Variants in ATP2C1 observed in about 807,000 individuals in gnomAD.
ATP2C1 encodes ATPase secretory pathway Ca2+ transporting 1.
Under a neutral mutation model 120.5 loss-of-function variants are expected in ATP2C1, and 31 were observed. The ratio of observed to expected loss-of-function variants is 0.26; its 90% CI spans 0.19 to 0.35. ATP2C1 has a LOEUF of 0.35. ATP2C1 is among the 10% of genes least tolerant of loss of function. The probability of loss-of-function intolerance (pLI) is 1.00; values close to 1 mark genes in which losing one functional copy is unlikely to be tolerated. For synonymous variants in ATP2C1, 351 were observed against 358.7 expected (o/e 0.98, Z 0.24); for missense variants, 731 against 1,107.5 (o/e 0.66, Z 4.83).
At chr3:130,903,980 AT>A (rs1240051659) in intron 2 of ATP2C1, among the ~76,000 whole-genome samples, 1 of 152,036 alleles carries the variant, frequency 6.6e-6, no homozygotes, top group African/African-American at 2.4e-5. Context: ...AAAATGCCAA[AT>A]TCTTCCCAGA....
intron 20 of ATP2C1, among the ~76,000 whole-genome samples, chr3:130,989,151 T>A (rs1038482579): frequency 6.7e-6 from 1 of 149,776 alleles, no homozygotes; most frequent in African/African-American, 2.5e-5. Flanking sequence ...CTTGGGAGGC[T>A]GAGGCAGAGA....
intron 1 of ATP2C1, among the ~76,000 whole-genome samples, chr3:130,851,254 A>G (rs1042906905): frequency 2.0e-5 from 3 of 152,216 alleles, no homozygotes; most frequent in African/African-American, 7.2e-5. Flanking sequence ...GACACTATTA[A>G]TATCTCAACA....
chr3:130,939,880 G>T (rs2059820954), intron 6 of ATP2C1, among the ~76,000 whole-genome samples: 1 of 152,106 alleles, frequency 6.6e-6, no homozygotes, highest in African/African-American at 2.4e-5. Context: ...TCCACTATTT[G>T]CCTCTCCCTC....
At chr3:130,951,875 A>T (rs894005646) in intron 8 of ATP2C1, among the ~76,000 whole-genome samples, 4 of 152,202 alleles carry the variant, frequency 2.6e-5, no homozygotes, top group African/African-American at 9.6e-5. Flanking sequence ...AAATGCTAGC[A>T]CAATTTTGTC....
chr3:131,001,229 T>A lies in ATP2C1; in HGVS notation c.2639T>A (p.Phe880Tyr). 1 of 1,613,908 alleles carries A rather than the reference T, an allele frequency of 6.2e-7. No homozygotes were observed. The highest frequency in any genetic ancestry group is 8.5e-7 in the Non-Finnish European group (1 of 1,179,858). ...TESLSILDLL[F>Y]LLGLTSSVCI... ...TTATTTTCTCTTGCAGATCTGTTGT[T>A]TCTTTTGGGTCTCACCTCATCAGTG... Residue 880 changes from phenylalanine to tyrosine, a missense_variant, in exon 28 of 28, where the codon TTT (phenylalanine) becomes TAT (tyrosine). By Grantham distance (22) the Phe-to-Tyr change is conservative (BLOSUM62 3). Coordinates refer to ENST00000510168, the MANE Select transcript of ATP2C1 (RefSeq NM_001378687.1).
intron 1 of ATP2C1, among the ~76,000 whole-genome samples, chr3:130,857,382 G>A (rs1047275388): frequency 5.9e-5 from 9 of 152,120 alleles, no homozygotes; most frequent in African/African-American, 2.2e-4. Flanking sequence ...TTTAGGCAGA[G>A]GCCTAGGTTC....
chr3:130,897,267 A>T (rs151008015), intron 2 of ATP2C1, among the ~76,000 whole-genome samples: 14 of 152,332 alleles, frequency 9.2e-5, no homozygotes, highest in African/African-American at 3.1e-4. Flanking sequence ...GGGCTCTACC[A>T]AGAAGCCAGG....
At chr3:130,963,407 A>G (rs1277273922) in intron 12 of ATP2C1, 3 of 158,526 alleles carry the variant, frequency 1.9e-5, no homozygotes, top group Non-Finnish European at 4.2e-5. Context: ...ATGATATAAT[A>G]TGGGACCTTT....
At chr3:130,860,737 CCTT>C (rs553483321) in intron 1 of ATP2C1, among the ~76,000 whole-genome samples, 5 of 152,182 alleles carry the variant, frequency 3.3e-5, no homozygotes, top group Non-Finnish European at 7.3e-5. Flanking sequence ...TCCTTTCTCT[CCTT>C]CTTCCCTTCA....
chr3:131,008,729 G>T (rs1015628542), intron 26 of ATP2C1, among the ~76,000 whole-genome samples: 2 of 152,114 alleles, frequency 1.3e-5, no homozygotes, highest in Admixed American at 1.3e-4. Context: ...GCATTCAGTG[G>T]ATTAGAAAGG....
At chr3:130,990,403 G>A (rs1383385652) in intron 20 of ATP2C1, among the ~76,000 whole-genome samples, 1 of 151,886 alleles carries the variant, frequency 6.6e-6, no homozygotes, top group African/African-American at 2.4e-5. Flanking sequence ...TGTTATATCC[G>A]AGGAAAGAGC....
chr3:130,850,943 A>G (rs1327539095), intron 1 of ATP2C1: 8 of 1,290,298 alleles, frequency 6.2e-6, no homozygotes, highest in Non-Finnish European at 8.0e-6. Flanking sequence ...CATTTTGTTT[A>G]TATTATCTTT....
rs144371962 is a variant in ATP2C1, at chr3:130,989,769, C to T, written c.1840-3182C>T. Among the ~76,000 whole-genome samples the T allele has an allele frequency of 3.9e-5, 6 of 152,326 alleles. No individual in the cohort carries two copies. The East Asian group carries it at 7.7e-4, about 20-fold the overall frequency. Reference sequence around the variant, plus strand: ...GTACATGGACAACTCACAGTCACAACCTTTCATTCGCTAACTTATTTTGCA... The same window carrying T: ...GTACATGGACAACTCACAGTCACAATCTTTCATTCGCTAACTTATTTTGCA... On this transcript the variant is annotated intron_variant, in intron 20 of 27. Transcript: ENST00000510168.
chr3:130,851,755 A>G (rs1302813614), intron 1 of ATP2C1, among the ~76,000 whole-genome samples: 3 of 152,250 alleles, frequency 2.0e-5, no homozygotes. Flanking sequence ...ACAAATGTGA[A>G]GGACAAATGT....
chr3:130,951,550 G>C (rs1224781328), intron 8 of ATP2C1, among the ~76,000 whole-genome samples: 1 of 152,126 alleles, frequency 6.6e-6, no homozygotes, highest in African/African-American at 2.4e-5. Context: ...CTCTTACCTT[G>C]CTAATAAATG....
chr3:130,857,126 T>G (rs777374413), intron 1 of ATP2C1, among the ~76,000 whole-genome samples: 4 of 152,246 alleles, frequency 2.6e-5, no homozygotes, highest in Non-Finnish European at 5.9e-5. Flanking sequence ...AAAGTGGAAC[T>G]ATTTTATTAT....
chr3:130,961,614 C>G (rs553871828), intron 12 of ATP2C1, among the ~76,000 whole-genome samples: 2 of 151,978 alleles, frequency 1.3e-5, no homozygotes, highest in Non-Finnish European at 2.9e-5. Context: ...TCACTATTCT[C>G]TTATTCTTTA....
chr3:130,866,272 C>T lies in ATP2C1; in HGVS notation c.108+15344C>T, dbSNP rs1009020385. 5.3e-5 allele frequency among the ~76,000 whole-genome samples: 8 copies of T among 152,232 alleles called. No individual in the cohort carries two copies. The East Asian group carries it at 7.7e-4, about 15-fold the overall frequency. ...GAATTGTGTAAAGCCATTTCACTAG[C>T]GTCAAAAAACTCCTTTTGCTCTGTC... is the stretch of plus-strand genomic sequence containing the variant. On this transcript the variant is annotated intron_variant, in intron 1 of 26. Transcript: ENST00000504381.
At chr3:130,905,608 G>A (rs951566867) in intron 2 of ATP2C1, among the ~76,000 whole-genome samples, 1 of 152,060 alleles carries the variant, frequency 6.6e-6, no homozygotes, top group Admixed American at 6.6e-5. Flanking sequence ...TTTCATCCCT[G>A]CCTAAGGGTT....
Sources: allele counts gnomAD v4.1 joint callset (sites outside exome capture counted in the v4.1 genomes callset), GRCh38; gene constraint gnomAD v4.1.1; transcripts MANE v1.5; gene names NCBI Gene and HGNC (gene_info 2026-07-23, HGNC 2026-07-21).